Variants in GRIK4 observed in about 807,000 individuals in gnomAD.
GRIK4 encodes the protein glutamate ionotropic receptor kainate type subunit 4, also known as glutamate receptor ionotropic, kainate 4.
Under a neutral mutation model 104.9 loss-of-function variants are expected in GRIK4, and 40 were observed. The ratio of observed to expected loss-of-function variants is 0.38; its 90% CI spans 0.30 to 0.50. The LOEUF (loss-of-function observed/expected upper bound fraction) is 0.50. GRIK4 is among the 20% of genes least tolerant of loss of function. The probability of loss-of-function intolerance (pLI) is 0.93; values close to 1 mark genes in which losing one functional copy is unlikely to be tolerated. For missense variants in GRIK4, 1,047 were observed against 1,308.1 expected (o/e 0.80, Z 3.08); for synonymous variants, 485 against 524.9 (o/e 0.92, Z 1.04).
At chr11:120,656,038 T>C (rs1315339790) in intron 2 of GRIK4, among the ~76,000 whole-genome samples, 1 of 152,070 alleles carries the variant, frequency 6.6e-6, no homozygotes, top group African/African-American at 2.4e-5. Flanking sequence ...CCATGGAGGG[T>C]AATGGTCGTG....
At chr11:120,773,708 A>G (rs1294216702) in intron 3 of GRIK4, among the ~76,000 whole-genome samples, 2 of 152,186 alleles carry the variant, frequency 1.3e-5, no homozygotes, top group Non-Finnish European at 2.9e-5. Context: ...GAGGACTGTA[A>G]AACAGCTGAC....
intron 13 of GRIK4, among the ~76,000 whole-genome samples, chr11:120,914,514 A>G (rs1391443202): frequency 6.6e-6 from 1 of 152,178 alleles, no homozygotes; most frequent in Non-Finnish European, 1.5e-5. Flanking sequence ...GGAAATGACG[A>G]GTGAGCAGAG....
intron 11 of GRIK4, among the ~76,000 whole-genome samples, chr11:120,882,464 C>A (rs1464717887): frequency 6.6e-6 from 1 of 152,124 alleles, no homozygotes; most frequent in African/African-American, 2.4e-5. Context: ...GAGGAGGCTG[C>A]TTGACAGGCG....
intron 4 of GRIK4, among the ~76,000 whole-genome samples, chr11:120,812,266 T>C (rs1565366798): frequency 6.6e-6 from 1 of 152,068 alleles, no homozygotes; most frequent in Non-Finnish European, 1.5e-5. Flanking sequence ...CTTGAGGAGA[T>C]AAGAGGAGTA....
chr11:120,700,558 A>G (rs1317104927), intron 3 of GRIK4, among the ~76,000 whole-genome samples: 2 of 152,096 alleles, frequency 1.3e-5, no homozygotes, highest in Non-Finnish European at 2.9e-5. Context: ...TCCTGAGTTC[A>G]AGCAATTCTC....
chr11:120,584,019 G>A (rs1016534638), intron 1 of GRIK4, among the ~76,000 whole-genome samples: 3 of 152,142 alleles, frequency 2.0e-5, no homozygotes, highest in African/African-American at 7.2e-5. Context: ...CATCTTGGAC[G>A]TTGTTGGTGT....
intron 1 of GRIK4, among the ~76,000 whole-genome samples, chr11:120,636,701 G>A (rs564198430): frequency 6.6e-6 from 1 of 152,170 alleles, no homozygotes; most frequent in Admixed American, 6.5e-5. Context: ...TTAGCCGGGT[G>A]TGGTGGCGTG....
intron 1 of GRIK4, among the ~76,000 whole-genome samples, chr11:120,585,835 G>T (rs922144720): frequency 6.6e-6 from 1 of 152,018 alleles, no homozygotes; most frequent in African/African-American, 2.4e-5. Context: ...TGTGATTTTG[G>T]ATGTGGAACA....
chr11:120,863,336 A>G (rs1458895735), intron 9 of GRIK4, among the ~76,000 whole-genome samples: 1 of 152,250 alleles, frequency 6.6e-6, no homozygotes, highest in African/African-American at 2.4e-5. Flanking sequence ...ACAGTCACAT[A>G]CCGTACAGGT....
chr11:120,971,157 G>T (rs1371012674), intron 19 of GRIK4, among the ~76,000 whole-genome samples: 1 of 152,112 alleles, frequency 6.6e-6, no homozygotes, highest in East Asian at 1.9e-4. Context: ...CCCAAGCTGC[G>T]AATGTGCCCA....
intron 1 of GRIK4, among the ~76,000 whole-genome samples, chr11:120,514,798 C>T (rs533630361): frequency 1.3e-5 from 2 of 152,340 alleles, no homozygotes; most frequent in Admixed American, 6.5e-5. Context: ...TCTCTGGTGC[C>T]TTAGGCCTCA....
At chr11:120,571,513 G>A (rs964274574) in intron 1 of GRIK4, among the ~76,000 whole-genome samples, 15 of 152,156 alleles carry the variant, frequency 9.9e-5, no homozygotes, top group African/African-American at 3.6e-4. Flanking sequence ...CCTGCATGCT[G>A]CACTAGTAAG....
chr11:120,944,700 A>C (rs890793950), intron 14 of GRIK4, among the ~76,000 whole-genome samples: 7 of 152,210 alleles, frequency 4.6e-5, no homozygotes, highest in Non-Finnish European at 8.8e-5. Context: ...CTGGATCCCC[A>C]TCAAAAGGCC....
At chr11:120,643,635 T>C (rs767224993) in intron 1 of GRIK4, among the ~76,000 whole-genome samples, 1 of 152,248 alleles carries the variant, frequency 6.6e-6, no homozygotes, top group Non-Finnish European at 1.5e-5. Context: ...TGTTTGCAAC[T>C]TGGCTCATCG....
intron 3 of GRIK4, among the ~76,000 whole-genome samples, chr11:120,758,721 A>G (rs1951694709): frequency 6.6e-6 from 1 of 152,212 alleles, no homozygotes; most frequent in African/African-American, 2.4e-5. Flanking sequence ...TACAGAAGAC[A>G]AAGGGAGAGG....
At chr11:120,533,192 A>G (rs1947939663) in intron 1 of GRIK4, among the ~76,000 whole-genome samples, 1 of 152,202 alleles carries the variant, frequency 6.6e-6, no homozygotes, top group South Asian at 2.1e-4. Context: ...AGGAAAGGAC[A>G]AGAGCCTCCT....
intron 1 of GRIK4, among the ~76,000 whole-genome samples, chr11:120,635,272 A>G (rs1949384083): frequency 6.6e-6 from 1 of 152,226 alleles, no homozygotes. Flanking sequence ...AACATGCTGC[A>G]ACCACCCAAG....
chr11:120,633,552 A>C (rs1949357121), intron 1 of GRIK4, among the ~76,000 whole-genome samples: 1 of 152,222 alleles, frequency 6.6e-6, no homozygotes, highest in East Asian at 1.9e-4. Context: ...ATGGTGTTTA[A>C]TTAGGGACCG....
intron 1 of GRIK4, among the ~76,000 whole-genome samples, chr11:120,578,282 C>T (rs1208870855): frequency 6.6e-6 from 1 of 152,088 alleles, no homozygotes; most frequent in African/African-American, 2.4e-5. Context: ...TGGGCACAGC[C>T]TAGGGAGAGG....
Sources: allele counts gnomAD v4.1 joint callset (sites outside exome capture counted in the v4.1 genomes callset), GRCh38; gene constraint gnomAD v4.1.1; transcripts MANE v1.5; gene names NCBI Gene and HGNC (gene_info 2026-07-23, HGNC 2026-07-21).